Variants in PNPT1 observed in about 807,000 individuals in gnomAD.
PNPT1 encodes polyribonucleotide nucleotidyltransferase 1, mitochondrial.
PNPT1 carries 53 observed loss-of-function variants against 119.5 expected under a neutral mutation model. The observed-to-expected ratio is 0.44, with a 90% confidence interval of 0.36 to 0.56. PNPT1 has a LOEUF of 0.56. Ranked by LOEUF, PNPT1 falls within the 20% of genes least tolerant of loss-of-function variation. The pLI, the probability that PNPT1 is intolerant of heterozygous loss-of-function variation, is 0.00. For missense variants in PNPT1, 948 were observed against 938.5 expected, an observed-to-expected ratio of 1.01 and a Z score of -0.13; for synonymous variants, 357 against 322.1, an observed-to-expected ratio of 1.11 and a Z score of -1.16.
At chr2:55,683,178 C>T (rs1054917712) in intron 5 of PNPT1, among the ~76,000 whole-genome samples, 45 of 152,130 alleles carry the variant, frequency 3.0e-4, no homozygotes, top group Admixed American at 2.2e-3. Flanking sequence ...ACTGTAGTCA[C>T]GCTGATCTTC....
At chr2:55,678,005 T>C (rs1288065673) in intron 8 of PNPT1, among the ~76,000 whole-genome samples, 1 of 152,194 alleles carries the variant, frequency 6.6e-6, no homozygotes, top group East Asian at 1.9e-4. Context: ...CCTCCCAAAG[T>C]GCTGGGATTA....
chr2:55,643,360 G>A lies in PNPT1; in HGVS notation c.1972C>T (p.His658Tyr), dbSNP rs1168592877. The change falls in exon 24 of 28, where the codon CAT (histidine) becomes TAT (tyrosine). Residue 658 changes from histidine (H) to tyrosine (Y), a missense_variant. Transcript: ENST00000447944. ...TCAGTAATGAAGTCTCTTGCCTCAT[G>A]CATAGCACTGGGTGTTGGTGCAAAT... ...SVFAPTPSAM[H>Y]EARDFITEIC... The A allele has an allele frequency of 6.2e-6, 10 of 1,614,070 alleles. No individual in the cohort carries two copies. The highest frequency in any genetic ancestry group is 8.5e-6 in the Non-Finnish European group (10 of 1,180,040).
chr2:55,679,590 G>T, intron 8 of PNPT1, 92 bp downstream of exon 8: 2 of 910,924 alleles, frequency 2.2e-6, no homozygotes, highest in South Asian at 1.6e-5. Context: ...TATGGCTACC[G>T]ACAAAACATA....
Position 55,637,705 on chromosome 2 carries a change from AT to A in PNPT1, c.2149-107del, listed in dbSNP as rs1695717974. On this transcript the variant is annotated intron_variant, in intron 26 of 27. Coordinates refer to ENST00000447944, the MANE Select transcript of PNPT1 (RefSeq NM_033109.5). Reference sequence around the variant, plus strand: ...TTTATTAGTTTTTCTGATTAAAAAAATCAGTTAGCGGCTGGGCGCAGTGGCT... The same window carrying A: ...TTTATTAGTTTTTCTGATTAAAAAAACAGTTAGCGGCTGGGCGCAGTGGCT... The A allele has an allele frequency of 2.9e-6, 3 of 1,023,232 alleles. No homozygotes were observed. In the South Asian group the frequency reaches 4.1e-5, roughly 14 times the overall value. 63.4% of individuals were successfully genotyped at this position (1,023,232 alleles called of 1,614,324 possible).
At chr2:55,688,002 T>C (rs1412220418) in intron 1 of PNPT1, among the ~76,000 whole-genome samples, 1 of 152,068 alleles carries the variant, frequency 6.6e-6, no homozygotes, top group Non-Finnish European at 1.5e-5. Flanking sequence ...TATTTTTTTT[T>C]TGAGGTGGGG....
At chr2:55,687,568 C>T (rs1009171831) in intron 2 of PNPT1, 77 bp downstream of exon 2, 12 of 1,025,530 alleles carry the variant, frequency 1.2e-5, no homozygotes, top group African/African-American at 5.0e-5. Flanking sequence ...AGTAGTTACA[C>T]GATGTTGTAG....
intron 18 of PNPT1, among the ~76,000 whole-genome samples, chr2:55,653,293 G>A (rs555793003): frequency 1.5e-3 from 222 of 152,200 alleles, no homozygotes; most frequent in African/African-American, 5.3e-3. Context: ...CTGTCCTTGG[G>A]ATACTAGTCT....
intron 8 of PNPT1, among the ~76,000 whole-genome samples, chr2:55,676,941 T>A (rs1697091542): frequency 6.6e-6 from 1 of 152,208 alleles, no homozygotes; most frequent in Non-Finnish European, 1.5e-5. Flanking sequence ...TTTTTTGTAT[T>A]TTTGTATCAC....
At chr2:55,662,748 T>C (rs920589888) in intron 13 of PNPT1, among the ~76,000 whole-genome samples, 1 of 152,048 alleles carries the variant, frequency 6.6e-6, no homozygotes, top group Admixed American at 6.6e-5. Flanking sequence ...CCAGACACTC[T>C]ACAATGTATC....
At chr2:55,692,315 CTT>C (rs1697642768) in intron 1 of PNPT1, among the ~76,000 whole-genome samples, 1 of 152,150 alleles carries the variant, frequency 6.6e-6, no homozygotes, top group South Asian at 2.1e-4. Flanking sequence ...ACTCTCCACA[CTT>C]TGCACAAGAA....
At chr2:55,687,002 C>G (rs1215929928) in intron 2 of PNPT1, among the ~76,000 whole-genome samples, 1 of 149,780 alleles carries the variant, frequency 6.7e-6, no homozygotes, top group Non-Finnish European at 1.5e-5. Flanking sequence ...ATCACGAGGT[C>G]AGGAGATCAA....
At chr2:55,641,802 G>T (rs1322978003) in intron 25 of PNPT1, among the ~76,000 whole-genome samples, 1 of 150,504 alleles carries the variant, frequency 6.6e-6, no homozygotes, top group Non-Finnish European at 1.5e-5. Flanking sequence ...AAAAAAACAA[G>T]CTCTTCTAGC....
rs768971285 is a variant in PNPT1 at position 55,640,721 on chromosome 2, T to C, written c.2070-16A>G. 6 of 1,469,788 alleles carry C rather than the reference T, an allele frequency of 4.1e-6. No homozygotes were observed. In the South Asian group the frequency reaches 5.7e-5, roughly 14 times the overall value. The allele number at this position is 1,469,788 out of a possible 1,614,324, so 91.0% of individuals were successfully genotyped here. A position where few individuals can be genotyped will look rare whatever the true frequency, so the allele number is the denominator to read the frequency against. On this transcript the variant is annotated splice_polypyrimidine_tract_variant and intron_variant, in intron 25 of 27. Coordinates refer to ENST00000447944, the MANE Select transcript of PNPT1 (RefSeq NM_033109.5). ...ACCAGTATCTCTACAAAAAAATAAATAGTAAGCCTGGTTAAAATAATAAGT... is the reference window on the plus strand; with the variant it reads ...ACCAGTATCTCTACAAAAAAATAAACAGTAAGCCTGGTTAAAATAATAAGT...
rs1696960233 is a variant in PNPT1, at chr2:55,672,935, T to C, written c.824A>G (p.Lys275Arg). Residue 275 changes from lysine (K) to arginine (R), a missense_variant, in exon 9 of 28, where the codon AAG becomes AGG. Coordinates refer to ENST00000447944, the MANE Select transcript of PNPT1 (RefSeq NM_033109.5). ...ETGVTKRTPQ[K>R]LFTPSPEIVK... The stretch of plus-strand genomic sequence containing the variant: ...AATCTCTGGCGAAGGGGTAAATAAC[T>C]TCTGAGGTGTCCTCTTGGTAACACC... 6.2e-7 allele frequency: 1 copy of C among 1,612,476 alleles called. No individual in the cohort carries two copies. Among genetic ancestry groups the C allele is most frequent in the Admixed American group, 1.7e-5 (1 of 59,580 alleles).
intron 12 of PNPT1, 27 bp from the exon 13 acceptor site, chr2:55,667,120 TTAAG>T (rs748347907): frequency 6.5e-7 from 1 of 1,540,466 alleles, no homozygotes; most frequent in African/African-American, 1.4e-5. Flanking sequence ...AATAAGTACA[TTAAG>T]TAACGCTGGA....
chr2:55,652,389 C>T (rs1006789633), intron 18 of PNPT1, among the ~76,000 whole-genome samples: 21 of 152,104 alleles, frequency 1.4e-4, no homozygotes, highest in Admixed American at 9.2e-4. Flanking sequence ...TTGGCTTTAA[C>T]GCTTCAAATT....
At chr2:55,680,661 A>G (rs767835562) in intron 7 of PNPT1, 51 bp downstream of exon 7, 1 of 1,533,664 alleles carries the variant, frequency 6.5e-7, no homozygotes, top group Admixed American at 1.8e-5. Context: ...ACTACTACTT[A>G]CTGAAAAAAA....
chr2:55,658,815 T>C (rs575999480), intron 15 of PNPT1, among the ~76,000 whole-genome samples: 31 of 152,336 alleles, frequency 2.0e-4, no homozygotes, highest in African/African-American at 7.5e-4. Flanking sequence ...TTCTGTAGCA[T>C]ATAATTTCTA....
chr2:55,688,520 T>C (rs1249518464), intron 1 of PNPT1, among the ~76,000 whole-genome samples: 3 of 151,592 alleles, frequency 2.0e-5, no homozygotes, highest in Non-Finnish European at 2.9e-5. Flanking sequence ...AGGTCAGGAG[T>C]TCAAGACCAG....
Sources: allele counts gnomAD v4.1 joint callset (sites outside exome capture counted in the v4.1 genomes callset), GRCh38; gene constraint gnomAD v4.1.1; transcripts MANE v1.5; gene names NCBI Gene and HGNC (gene_info 2026-07-23, HGNC 2026-07-21).